Variants in VWC2L observed in about 807,000 individuals in gnomAD.
The protein encoded by VWC2L is von Willebrand factor C domain-containing protein 2-like.
Under a neutral mutation model 21.6 loss-of-function variants are expected in VWC2L, and 10 were observed. The ratio of observed to expected loss-of-function variants is 0.46; its 90% confidence interval spans 0.29 to 0.78. The LOEUF (loss-of-function observed/expected upper bound fraction) is 0.78, where lower values mean the gene tolerates loss of function less well. Among genes scored for constraint, VWC2L ranks in the 30% least tolerant of loss-of-function variants. The pLI is 0.10. For missense variants in VWC2L, 209 were observed against 277.1 expected (o/e 0.75, Z 1.74); for synonymous variants, 96 against 94.3 (o/e 1.02, Z -0.10).
At chr2:214,536,410 T>A (rs1209678478) in intron 3 of VWC2L, among the ~76,000 whole-genome samples, 2 of 152,090 alleles carry the variant, frequency 1.3e-5, no homozygotes, top group African/African-American at 4.8e-5. Context: ...CACCTTGTAG[T>A]GTTTAGATAC....
rs76130920 is a variant in VWC2L, at chr2:214,558,365, C to A, written c.521-17307C>A. Among the ~76,000 whole-genome samples, 1,456 of 152,252 alleles carry A rather than the reference C, an allele frequency of 9.6e-3. 10 individuals carry two copies. The highest frequency in any genetic ancestry group is 0.017 in the Non-Finnish European group (1,152 of 68,010). On this transcript the variant is annotated intron_variant, in intron 3 of 3. Transcript: ENST00000312504. Reference sequence around the variant, plus strand: ...TCCACCTCTCTATGCCCAACTCAGTCAATTCTATTCCCCTATTCATCTCTG... The same window carrying A: ...TCCACCTCTCTATGCCCAACTCAGTAAATTCTATTCCCCTATTCATCTCTG...
At chr2:214,489,877 C>A (rs1031740506) in intron 3 of VWC2L, among the ~76,000 whole-genome samples, 1 of 152,164 alleles carries the variant, frequency 6.6e-6, no homozygotes, top group African/African-American at 2.4e-5. Context: ...GTGTCCAGCA[C>A]TGGATAGAAA....
intron 3 of VWC2L, among the ~76,000 whole-genome samples, chr2:214,511,607 T>G (rs1165918544): frequency 3.3e-5 from 5 of 152,140 alleles, no homozygotes; most frequent in Admixed American, 1.3e-4. Flanking sequence ...GGCCATCACC[T>G]TGATCTTGAA....
chr2:214,473,879 G>A (rs1209566425), intron 3 of VWC2L: 4 of 151,782 alleles, frequency 2.6e-5, no homozygotes, highest in African/African-American at 7.3e-5. Context: ...TTTAGCAGAG[G>A]GCCAATCTGT....
At chr2:214,449,098 T>C (rs73072771) in intron 3 of VWC2L, among the ~76,000 whole-genome samples, 1,530 of 152,284 alleles carry the variant, frequency 0.01, 30 homozygotes, top group African/African-American at 0.035. Flanking sequence ...CTTGGGAAAA[T>C]ATAAGTAACT....
intron 3 of VWC2L, among the ~76,000 whole-genome samples, chr2:214,454,605 T>C (rs1703027082): frequency 7.6e-6 from 1 of 131,606 alleles, no homozygotes; most frequent in Non-Finnish European, 1.6e-5. Context: ...TTTCTTTTTT[T>C]TTTTTTTTTT....
At chr2:214,456,510 T>C (rs937239405) in intron 3 of VWC2L, among the ~76,000 whole-genome samples, 1 of 152,176 alleles carries the variant, frequency 6.6e-6, no homozygotes, top group Non-Finnish European at 1.5e-5. Context: ...TTTCTCCCAT[T>C]CAACTTACTG....
At chr2:214,496,492 A>G (rs1688815170) in intron 3 of VWC2L, among the ~76,000 whole-genome samples, 1 of 152,112 alleles carries the variant, frequency 6.6e-6, no homozygotes, top group Admixed American at 6.6e-5. Flanking sequence ...CTACAAGGGC[A>G]CCAGCTTTCA....
chr2:214,419,839 A>T (rs1411903660), intron 2 of VWC2L, among the ~76,000 whole-genome samples: 1 of 152,174 alleles, frequency 6.6e-6, no homozygotes, highest in East Asian at 1.9e-4. Context: ...TAATATTTAA[A>T]TCTCAAGAGA....
At chr2:214,459,440 G>A (rs1343106802) in intron 3 of VWC2L, among the ~76,000 whole-genome samples, 1 of 152,116 alleles carries the variant, frequency 6.6e-6, no homozygotes, top group Non-Finnish European at 1.5e-5. Flanking sequence ...TTTTCAGATT[G>A]CTTTGTATGT....
chr2:214,564,601 T>C (rs1690033795), intron 3 of VWC2L, among the ~76,000 whole-genome samples: 1 of 151,996 alleles, frequency 6.6e-6, no homozygotes, highest in Non-Finnish European at 1.5e-5. Flanking sequence ...AAACGGGGAG[T>C]ATTGAAGGCT....
intron 3 of VWC2L, among the ~76,000 whole-genome samples, chr2:214,565,181 G>A (rs578014496): frequency 4.6e-5 from 7 of 152,180 alleles, no homozygotes; most frequent in African/African-American, 1.7e-4. Context: ...GTGACTGGCA[G>A]GCATTCACAT....
At chr2:214,449,687 G>A (rs1375402338) in intron 3 of VWC2L, among the ~76,000 whole-genome samples, 3 of 152,140 alleles carry the variant, frequency 2.0e-5, no homozygotes, top group Admixed American at 6.6e-5. Context: ...TATCAGAAAT[G>A]TTAAACCTCT....
At chr2:214,557,110 T>A (rs1453172249) in intron 3 of VWC2L, among the ~76,000 whole-genome samples, 1 of 152,152 alleles carries the variant, frequency 6.6e-6, no homozygotes, top group African/African-American at 2.4e-5. Flanking sequence ...TTGCCTCAGA[T>A]GCTGTATTAG....
intron 3 of VWC2L, among the ~76,000 whole-genome samples, chr2:214,520,277 A>G (rs972207984): frequency 6.6e-6 from 1 of 152,214 alleles, no homozygotes; most frequent in African/African-American, 2.4e-5. Context: ...TGCATCATAC[A>G]TGATGCTCAT....
chr2:214,509,888 C>T (rs1434119009), intron 3 of VWC2L, among the ~76,000 whole-genome samples: 1 of 152,036 alleles, frequency 6.6e-6, no homozygotes, highest in African/African-American at 2.4e-5. Flanking sequence ...TTAAGGATGG[C>T]CTTTTGAAGG....
intron 3 of VWC2L, among the ~76,000 whole-genome samples, chr2:214,531,537 C>A (rs1689435615): frequency 6.6e-6 from 1 of 152,118 alleles, no homozygotes; most frequent in Non-Finnish European, 1.5e-5. Flanking sequence ...ACTTTTCCTT[C>A]AAGTAAAGTG....
intron 3 of VWC2L, among the ~76,000 whole-genome samples, chr2:214,573,699 G>A (rs1281146579): frequency 5.3e-5 from 8 of 152,188 alleles, no homozygotes; most frequent in East Asian, 1.9e-4. Context: ...GAACAAATTC[G>A]TGGTTTAGTG....
At chr2:214,557,373 A>G (rs1171243713) in intron 3 of VWC2L, among the ~76,000 whole-genome samples, 7 of 152,082 alleles carry the variant, frequency 4.6e-5, no homozygotes, top group African/African-American at 1.7e-4. Context: ...CCATGATTAA[A>G]TTATCTCCCA....
Sources: gnomAD v4.1 joint callset for allele counts (sites outside exome capture counted in the v4.1 genomes callset) on GRCh38, gnomAD v4.1.1 for gene constraint, MANE v1.5 for transcripts, NCBI Gene and HGNC (gene_info 2026-07-23, HGNC 2026-07-21) for gene names.